Variants in FTO observed in about 807,000 individuals in gnomAD.
The protein encoded by FTO is alpha-ketoglutarate-dependent dioxygenase FTO.
In FTO, 47 loss-of-function variants were observed where a neutral mutation model predicts 63.9. That is an observed-to-expected ratio of 0.74 (90% CI 0.58 to 0.94). The LOEUF (loss-of-function observed/expected upper bound fraction) is 0.94, where lower values mean the gene tolerates loss of function less well. Among genes scored for constraint, FTO ranks in the 40% least tolerant of loss-of-function variants. The pLI is 0.00. For synonymous variants in FTO, 207 were observed against 224.4 expected, an observed-to-expected ratio of 0.92 and a Z score of 0.69; for missense variants, 562 against 618.1, an observed-to-expected ratio of 0.91 and a Z score of 0.96.
At chr16:54,003,539 A>G (rs574344161) in intron 8 of FTO, among the ~76,000 whole-genome samples, 7 of 152,104 alleles carry the variant, frequency 4.6e-5, no homozygotes, top group Non-Finnish European at 1.0e-4. Flanking sequence ...TATTTTTTAT[A>G]GAGACAGGGT....
At chr16:54,078,395 T>C (rs1171605121) in intron 8 of FTO, among the ~76,000 whole-genome samples, 1 of 147,210 alleles carries the variant, frequency 6.8e-6, no homozygotes, top group Non-Finnish European at 1.5e-5. Context: ...ATAAATATAA[T>C]ATTTATAATA....
At chr16:53,770,905 G>A (rs2077318286) in intron 1 of FTO, among the ~76,000 whole-genome samples, 1 of 152,054 alleles carries the variant, frequency 6.6e-6, no homozygotes, top group Non-Finnish European at 1.5e-5. Flanking sequence ...ATGGGTGTTT[G>A]CGAGACGTTG....
At chr16:53,999,174 C>T (rs1321326825) in intron 8 of FTO, among the ~76,000 whole-genome samples, 1 of 152,162 alleles carries the variant, frequency 6.6e-6, no homozygotes, top group African/African-American at 2.4e-5. Context: ...CTGAAGAAGC[C>T]ATGCAATAAA....
chr16:53,806,899 T>C (rs2078387808), intron 1 of FTO, among the ~76,000 whole-genome samples: 1 of 152,184 alleles, frequency 6.6e-6, no homozygotes, highest in South Asian at 2.1e-4. Flanking sequence ...CTAAGTATGG[T>C]TTTGTTTTGC....
chr16:53,711,883 G>A (rs920998085), intron 1 of FTO, among the ~76,000 whole-genome samples: 9 of 152,068 alleles, frequency 5.9e-5, no homozygotes, highest in African/African-American at 1.7e-4. Context: ...TCTGCTTTTG[G>A]TGATAGTTGT....
At chr16:53,969,462 G>C (rs78780482) in intron 8 of FTO, among the ~76,000 whole-genome samples, 1 of 151,912 alleles carries the variant, frequency 6.6e-6, no homozygotes, top group Non-Finnish European at 1.5e-5. Context: ...TTTTGGGGGG[G>C]GCTTGTTTTC....
chr16:53,984,511 G>A (rs2083621983), intron 8 of FTO, among the ~76,000 whole-genome samples: 1 of 151,618 alleles, frequency 6.6e-6, no homozygotes, highest in African/African-American at 2.4e-5. Context: ...TGCAGAGACA[G>A]GGTCTTGCCA....
At chr16:54,016,304 A>ACAT (rs61147782) in intron 8 of FTO, among the ~76,000 whole-genome samples, 1 of 151,040 alleles carries the variant, frequency 6.6e-6, no homozygotes, top group Non-Finnish European at 1.5e-5. Flanking sequence ...AAAAAAAAAA[A>ACAT]AAAAAAAAAA....
intron 8 of FTO, chr16:54,070,570 G>A (rs1193086358): frequency 6.6e-6 from 1 of 152,084 alleles, no homozygotes; most frequent in East Asian, 1.9e-4. Context: ...TTTAGAGTCA[G>A]TTTTGCTATT....
rs2075766337 is a variant in FTO, at chr16:53,711,214, A to T, written c.45+6985A>T. 5 of 376,238 alleles carry T rather than the reference A, an allele frequency of 1.3e-5. No homozygotes were observed. In the East Asian group the frequency reaches 1.9e-4, roughly 15 times the overall value. The allele number at this position is 376,238 out of a possible 1,614,324, so 23.3% of individuals were successfully genotyped here. On this transcript the variant is annotated intron_variant, in intron 1 of 8. Transcript: ENST00000471389. ...CCCAGGACGTTTATTCTGTAAACTTATGTTGAGTGTCTAGTCAAGTGGATT... is the reference window on the plus strand; with the variant it reads ...CCCAGGACGTTTATTCTGTAAACTTTTGTTGAGTGTCTAGTCAAGTGGATT...
intron 8 of FTO, chr16:53,984,985 C>A (rs1216591259): frequency 1.1e-5 from 5 of 456,300 alleles, no homozygotes; most frequent in African/African-American, 1.0e-4. Context: ...GTGTCCTCAG[C>A]TGCCATTGAT....
At chr16:54,021,993 C>T (rs986646775) in intron 8 of FTO, among the ~76,000 whole-genome samples, 3 of 152,036 alleles carry the variant, frequency 2.0e-5, no homozygotes, top group Non-Finnish European at 2.9e-5. Context: ...CCCTTTTCCT[C>T]GGATATTTTT....
chr16:53,819,769 G>T (rs1386052143), intron 2 of FTO, among the ~76,000 whole-genome samples: 1 of 152,044 alleles, frequency 6.6e-6, no homozygotes, highest in Non-Finnish European at 1.5e-5. Flanking sequence ...GTACAATTCA[G>T]TGATTTTTGG....
chr16:54,048,517 CTTCTG>C (rs1295854800), intron 8 of FTO, among the ~76,000 whole-genome samples: 5 of 152,234 alleles, frequency 3.3e-5, no homozygotes, highest in African/African-American at 1.2e-4. Flanking sequence ...ACAGTTGGCA[CTTCTG>C]TTCTTATTAG....
At chr16:53,729,693 T>G (rs1038597522) in intron 1 of FTO, among the ~76,000 whole-genome samples, 1 of 151,842 alleles carries the variant, frequency 6.6e-6, no homozygotes, top group African/African-American at 2.4e-5. Context: ...ATTTATACCT[T>G]ATACTCCTAC....
At chr16:54,042,495 G>A (rs1293425569) in intron 8 of FTO, among the ~76,000 whole-genome samples, 3 of 41,166 alleles carry the variant, frequency 7.3e-5, no homozygotes, top group Non-Finnish European at 1.2e-4. Flanking sequence ...ACAGCAGTCT[G>A]AGATCAAACT....
intron 8 of FTO, among the ~76,000 whole-genome samples, chr16:53,982,425 A>G (rs1287658992): frequency 6.6e-6 from 1 of 152,198 alleles, no homozygotes. Flanking sequence ...CAATGAACTG[A>G]TGAAAACCTT....
At chr16:53,977,209 T>C (rs1458097716) in intron 8 of FTO, among the ~76,000 whole-genome samples, 1 of 152,118 alleles carries the variant, frequency 6.6e-6, no homozygotes, top group East Asian at 1.9e-4. Flanking sequence ...TAATCAGATA[T>C]TGTTTTGAGG....
intron 1 of FTO, among the ~76,000 whole-genome samples, chr16:53,711,704 G>A (rs1033072522): frequency 6.6e-6 from 1 of 152,108 alleles, no homozygotes; most frequent in Non-Finnish European, 1.5e-5. Flanking sequence ...TGCTGGCTTA[G>A]GTTAGATAAT....
Sources: allele counts gnomAD v4.1 joint callset (sites outside exome capture counted in the v4.1 genomes callset), GRCh38; gene constraint gnomAD v4.1.1; transcripts MANE v1.5; gene names NCBI Gene and HGNC (gene_info 2026-07-23, HGNC 2026-07-21).